The following ADAM12 variants were observed in gnomAD, a reference collection of about 807,000 sequenced individuals.
ADAM12 encodes disintegrin and metalloproteinase domain-containing protein 12.
In ADAM12, 70 loss-of-function variants were observed where a neutral mutation model predicts 106.4. That is an observed-to-expected ratio of 0.66 (90% CI 0.54 to 0.80). The LOEUF (loss-of-function observed/expected upper bound fraction) is 0.80. ADAM12 is among the 30% of genes least tolerant of loss of function. The pLI, the probability that ADAM12 is intolerant of heterozygous loss-of-function variation, is 0.00. For missense variants in ADAM12, 1,010 were observed against 1,171.9 expected (o/e 0.86, Z 2.02); for synonymous variants, 420 against 433.5 (o/e 0.97, Z 0.39).
chr10:126,043,027 G>GCACCC lies in ADAM12; in HGVS notation c.2104+12_2104+13insGGGTG. ...TCAGCCTCCTCCCACCGGGATGCAG[G>GCACCC]GGCTTCACTGACCTGCTTGCCGGAT... is the stretch of plus-strand genomic sequence containing the variant. On this transcript the variant is annotated intron_variant, in intron 18 of 22. Transcript: ENST00000448723. The surrounding 1 kb of genome is among the most constrained non-coding windows in gnomAD (Gnocchi z 4.1). 6.2e-7 allele frequency: 1 copy of GCACCC among 1,613,354 alleles called. No individual in the cohort carries two copies. Among genetic ancestry groups the GCACCC allele is most frequent in the Admixed American group, 1.7e-5 (1 of 59,972 alleles).
At chr10:126,155,933 G>A (rs2133725075) in intron 3 of ADAM12, among the ~76,000 whole-genome samples, 1 of 145,192 alleles carries the variant, frequency 6.9e-6, no homozygotes, top group East Asian at 2.3e-4. Flanking sequence ...AAATTGAAAG[G>A]GGGAGGAAAC....
intron 14 of ADAM12, among the ~76,000 whole-genome samples, chr10:126,051,471 ATCCG>A (rs1482281519): frequency 2.6e-4 from 39 of 149,204 alleles, no homozygotes; most frequent in South Asian, 6.4e-4. Flanking sequence ...CCGTCCATCC[ATCCG>A]TCCAGCCAGC....
intron 3 of ADAM12, among the ~76,000 whole-genome samples, chr10:126,277,622 G>C (rs938317508): frequency 6.6e-6 from 1 of 152,190 alleles, no homozygotes; most frequent in African/African-American, 2.4e-5. Context: ...TTTGCTAAGG[G>C]AGACGGATCA....
chr10:126,070,286 T>C (rs1205673872), intron 12 of ADAM12: 2 of 152,148 alleles, frequency 1.3e-5, no homozygotes, highest in African/African-American at 4.8e-5. Context: ...CTCCAGACAA[T>C]GTCATTATCA....
At chr10:126,306,374 C>G (rs866509449) in intron 2 of ADAM12, among the ~76,000 whole-genome samples, 1 of 151,996 alleles carries the variant, frequency 6.6e-6, no homozygotes, top group Non-Finnish European at 1.5e-5. Flanking sequence ...TTGTGCTATT[C>G]ATAGTTTACT....
At chr10:126,224,698 C>A (rs1958158723) in intron 3 of ADAM12, among the ~76,000 whole-genome samples, 1 of 152,252 alleles carries the variant, frequency 6.6e-6, no homozygotes, top group Non-Finnish European at 1.5e-5. Flanking sequence ...TGCTTCCTGC[C>A]TTCCCTGGCT....
At chr10:126,165,153 G>T (rs1042117601) in intron 3 of ADAM12, among the ~76,000 whole-genome samples, 1 of 152,004 alleles carries the variant, frequency 6.6e-6, no homozygotes, top group African/African-American at 2.4e-5. Context: ...TGCTCACAGG[G>T]TGTCAGGCCT....
intron 3 of ADAM12, among the ~76,000 whole-genome samples, chr10:126,186,698 G>C (rs1565123903): frequency 6.6e-6 from 1 of 152,100 alleles, no homozygotes; most frequent in Non-Finnish European, 1.5e-5. Flanking sequence ...TGGAGCCTTA[G>C]GGAGGGGGCA....
chr10:126,327,440 G>A (rs1370562757), intron 2 of ADAM12, among the ~76,000 whole-genome samples: 1 of 152,030 alleles, frequency 6.6e-6, no homozygotes, highest in East Asian at 1.9e-4. Context: ...ACTTGCCATG[G>A]CCATCAGATA....
At chr10:126,357,629 T>A (rs1855587408) in intron 1 of ADAM12, among the ~76,000 whole-genome samples, 2 of 152,102 alleles carry the variant, frequency 1.3e-5, no homozygotes, top group Non-Finnish European at 1.5e-5. Flanking sequence ...AAACTTATGA[T>A]CATAGCAGAA....
Position 126,046,139 on chromosome 10 carries a change from G to A in ADAM12, c.1918-7C>T, listed in dbSNP as rs768421424. The stretch of plus-strand genomic sequence containing the variant: ...ATTGACGATTCAGGCAGATCTGTAG[G>A]AGGAGGAAAACACAGCAAATCTCTT... On this transcript the variant is annotated splice_polypyrimidine_tract_variant and splice_region_variant and intron_variant, in intron 16 of 22. Transcript: ENST00000448723. 1.2e-6 allele frequency: 2 copies of A among 1,612,862 alleles called. No homozygotes were observed. Among genetic ancestry groups the A allele is most frequent in the African/African-American group, 1.3e-5 (1 of 74,882 alleles).
chr10:126,174,896 G>T (rs1957190323), intron 3 of ADAM12, among the ~76,000 whole-genome samples: 1 of 151,988 alleles, frequency 6.6e-6, no homozygotes, highest in African/African-American at 2.4e-5. Context: ...GGGACTACAG[G>T]CACCTGCCAC....
At chr10:126,039,061 G>T (rs943510389) in intron 19 of ADAM12, among the ~76,000 whole-genome samples, 2 of 139,464 alleles carry the variant, frequency 1.4e-5, no homozygotes, top group Non-Finnish European at 3.0e-5. Flanking sequence ...CCGGGTTCAC[G>T]CCATTCTCAT....
intron 17 of ADAM12, among the ~76,000 whole-genome samples, chr10:126,044,514 G>T (rs1954263303): frequency 6.6e-6 from 1 of 152,118 alleles, no homozygotes; most frequent in Non-Finnish European, 1.5e-5. Context: ...TTTTTGGGTG[G>T]TTTATATCAG....
At chr10:126,143,697 T>C (rs1449003154) in intron 4 of ADAM12, among the ~76,000 whole-genome samples, 1 of 151,930 alleles carries the variant, frequency 6.6e-6, no homozygotes, top group African/African-American at 2.4e-5. Flanking sequence ...GGTGTGCATG[T>C]GTGTATATGT....
At chr10:126,100,539 TAAAAAA>T (rs746416839) in intron 9 of ADAM12, among the ~76,000 whole-genome samples, 3 of 123,444 alleles carry the variant, frequency 2.4e-5, no homozygotes, top group African/African-American at 5.8e-5. Context: ...CTGTCTCTAC[TAAAAAA>T]AAAAAAAAAA....
In ADAM12 at chr10:126,217,369, CT is replaced by C. The variant is rs1296671044; in HGVS notation, c.260+61545del. On this transcript the variant is annotated intron_variant, in intron 3 of 22. Coordinates refer to ENST00000448723, the MANE Select transcript of ADAM12 (RefSeq NM_001288973.2). The stretch of plus-strand genomic sequence containing the variant: ...AACAGAAAAGCCTGTGCATTTGGAA[CT>C]TTTTTTTTTTTTTTGAAACGGAGTT... Among the ~76,000 whole-genome samples, 1,049 of 143,152 alleles carry C rather than the reference CT, an allele frequency of 7.3e-3. 14 individuals are homozygous for C. Among genetic ancestry groups the C allele is most frequent in the South Asian group, 0.044 (196 of 4,446 alleles). The allele number at this position is 143,152 out of a possible 152,430, so 93.9% of individuals were successfully genotyped here.
chr10:126,304,296 A>AGAAG (rs1960748223), intron 2 of ADAM12, among the ~76,000 whole-genome samples: 1 of 139,666 alleles, frequency 7.2e-6, no homozygotes, highest in African/African-American at 2.6e-5. Context: ...AGGAAGTGAA[A>AGAAG]GAAGGAAGGA....
chr10:126,338,142 C>CA lies in ADAM12; in HGVS notation c.89-7634dup, dbSNP rs1177542102. ...CTTCTCATAAATGTCTAAATAGATT[C>CA]ATACCCCAAGCACGAGCTGTCTCTA... On this transcript the variant is annotated intron_variant, in intron 1 of 22. Transcript: ENST00000448723. Among the ~76,000 whole-genome samples, 3 of 152,148 alleles carry CA rather than the reference C, an allele frequency of 2.0e-5. No individual in the cohort carries two copies. In the East Asian group the frequency reaches 5.8e-4, roughly 29 times the overall value.
Sources: allele counts gnomAD v4.1 joint callset (sites outside exome capture counted in the v4.1 genomes callset), GRCh38; gene constraint gnomAD v4.1.1; non-coding constraint Gnocchi (gnomAD v3.1); transcripts MANE v1.5; gene names NCBI Gene and HGNC (gene_info 2026-07-23, HGNC 2026-07-21).